Variants in PRKG1 observed in about 807,000 individuals in gnomAD.
The protein encoded by PRKG1 is protein kinase cGMP-dependent 1.
In PRKG1, 35 loss-of-function variants were observed where a neutral mutation model predicts 88.1. That is an observed-to-expected ratio of 0.40 (90% CI 0.30 to 0.53). The LOEUF (loss-of-function observed/expected upper bound fraction) is 0.53, where lower values mean the gene tolerates loss of function less well. Among genes scored for constraint, PRKG1 ranks in the 20% least tolerant of loss-of-function variants. PRKG1 has a pLI of 0.59. For synonymous variants in PRKG1, 303 were observed against 292.5 expected, an observed-to-expected ratio of 1.04 and a Z score of -0.37; for missense variants, 540 against 839.8, an observed-to-expected ratio of 0.64 and a Z score of 4.41.
At chr10:52,246,680 C>T (rs1459741534) in intron 9 of PRKG1, among the ~76,000 whole-genome samples, 1 of 151,910 alleles carries the variant, frequency 6.6e-6, no homozygotes, top group Non-Finnish European at 1.5e-5. Context: ...AGTTCAAGAC[C>T]AGCCTGACCA....
At chr10:51,944,668 T>G (rs12253087) in intron 5 of PRKG1, among the ~76,000 whole-genome samples, 2,340 of 152,076 alleles carry the variant, frequency 0.015, 81 homozygotes, top group African/African-American at 0.052. Flanking sequence ...TTGTTCTCAT[T>G]GGTTTCAAAG....
intron 2 of PRKG1, among the ~76,000 whole-genome samples, chr10:51,282,354 G>GTTAT (rs1564427853): frequency 6.6e-6 from 1 of 151,942 alleles, no homozygotes. Flanking sequence ...AAACATTTTG[G>GTTAT]TTATATATAT....
intron 3 of PRKG1, among the ~76,000 whole-genome samples, chr10:51,641,333 C>T (rs1839795470): frequency 6.6e-6 from 1 of 152,068 alleles, no homozygotes; most frequent in African/African-American, 2.4e-5. Flanking sequence ...TCCTATGGGC[C>T]ATTGAGGGGA....
intron 3 of PRKG1, among the ~76,000 whole-genome samples, chr10:51,643,259 T>C (rs895727797): frequency 5.3e-5 from 8 of 152,206 alleles, no homozygotes; most frequent in Admixed American, 3.9e-4. Context: ...CCTGTCAATG[T>C]TATTTCACTT....
intron 3 of PRKG1, among the ~76,000 whole-genome samples, chr10:51,619,138 C>G (rs1839143361): frequency 6.6e-6 from 1 of 151,864 alleles, no homozygotes; most frequent in Admixed American, 6.6e-5. Context: ...GTGATAAGAA[C>G]TCCAGAGGAA....
intron 1 of PRKG1, among the ~76,000 whole-genome samples, chr10:51,118,474 C>G (rs4935224): frequency 0.8 from 121,509 of 152,012 alleles, 49,081 homozygotes; most frequent in South Asian, 0.88. Flanking sequence ...TCTTAAGAAA[C>G]CATTAAAAAT....
intron 5 of PRKG1, among the ~76,000 whole-genome samples, chr10:52,008,345 T>C (rs117616393): frequency 6.6e-6 from 1 of 152,062 alleles, no homozygotes; most frequent in Non-Finnish European, 1.5e-5. Flanking sequence ...AGGTGTTGGT[T>C]TTTTGAAAAA....
intron 1 of PRKG1, among the ~76,000 whole-genome samples, chr10:51,092,035 C>A (rs10995590): frequency 0.075 from 11,360 of 152,150 alleles, 1,354 homozygotes; most frequent in African/African-American, 0.25. Flanking sequence ...TTGAAATAAC[C>A]TTCCAACTTG....
rs71904885 is a variant in PRKG1, at chr10:52,148,957, CTTTT to C, written c.1002-12909_1002-12906del. 6.7e-4 allele frequency among the ~76,000 whole-genome samples: 37 copies of C among 55,166 alleles called. 1 individual carries two copies. The highest frequency in any genetic ancestry group is 2.7e-3 in the African/African-American group (36 of 13,332). The allele number at this position is 55,166 out of a possible 152,430, so 36.2% of individuals were successfully genotyped here. On this transcript the variant is annotated intron_variant, in intron 8 of 17. Coordinates refer to ENST00000373980, the MANE Select transcript of PRKG1 (RefSeq NM_006258.4). ...TATTTGACCACAGAGGATAGTTTTGCTTTTTTTTTTTTTTTTTTTTTTTTTTAGG... is the reference window on the plus strand; with the variant it reads ...TATTTGACCACAGAGGATAGTTTTGCTTTTTTTTTTTTTTTTTTTTTTAGG...
At chr10:51,857,455 T>A (rs1840712223) in intron 4 of PRKG1, among the ~76,000 whole-genome samples, 1 of 152,124 alleles carries the variant, frequency 6.6e-6, no homozygotes, top group African/African-American at 2.4e-5. Context: ...CCTCTCAGAT[T>A]TCAGCAAACA....
At chr10:51,213,443 G>A (rs1487589663) in intron 2 of PRKG1, among the ~76,000 whole-genome samples, 3 of 152,118 alleles carry the variant, frequency 2.0e-5, no homozygotes, top group Non-Finnish European at 2.9e-5. Flanking sequence ...TTGTGCACAT[G>A]TACCCTAAAA....
upstream of PRKG1, among the ~76,000 whole-genome samples, chr10:51,073,404 T>G (rs1843864896): frequency 6.6e-6 from 1 of 152,086 alleles, no homozygotes; most frequent in Non-Finnish European, 1.5e-5. Context: ...AGCTTGGTTG[T>G]GAGGAAAGTA....
At chr10:51,839,212 A>C (rs1273701034) in intron 4 of PRKG1, among the ~76,000 whole-genome samples, 2 of 152,198 alleles carry the variant, frequency 1.3e-5, no homozygotes, top group Non-Finnish European at 2.9e-5. Context: ...AATAAAGATG[A>C]AATGTGCATG....
At chr10:51,052,615 T>G (rs1843577053) in intron 1 of PRKG1, among the ~76,000 whole-genome samples, 2 of 152,212 alleles carry the variant, frequency 1.3e-5, no homozygotes. Context: ...AAGCACAACT[T>G]TGTTTCGTGT....
At chr10:52,082,160 G>C (rs573410251) in intron 7 of PRKG1, among the ~76,000 whole-genome samples, 31 of 152,184 alleles carry the variant, frequency 2.0e-4, no homozygotes, top group African/African-American at 7.5e-4. Context: ...ATCACATCTT[G>C]TGACAAATGA....
rs1395048010 is a variant in PRKG1 at position 51,971,405 on chromosome 10, G to A, written c.762+63835G>A. ...CATTTTAATATAAAGATATTTCAAA[G>A]TATTCAAAATCATTAAAAAACATTT... On this transcript the variant is annotated intron_variant, in intron 5 of 17. Transcript: ENST00000373980. Among the ~76,000 whole-genome samples the A allele has an allele frequency of 2.6e-5, 4 of 151,908 alleles. No homozygotes were observed. The South Asian group carries it at 8.3e-4, about 32-fold the overall frequency.
At chr10:51,916,917 A>G (rs534635430) in intron 5 of PRKG1, among the ~76,000 whole-genome samples, 1 of 152,352 alleles carries the variant, frequency 6.6e-6, no homozygotes, top group South Asian at 2.1e-4. Context: ...TAAAAGTAAA[A>G]TGACACATAT....
intron 1 of PRKG1, among the ~76,000 whole-genome samples, chr10:51,085,217 T>G (rs1310630023): frequency 1.3e-5 from 2 of 152,226 alleles, no homozygotes; most frequent in African/African-American, 2.4e-5. Flanking sequence ...ACTTGTATCT[T>G]CCTAATACCT....
At chr10:51,689,154 T>C (rs1024530417) in intron 3 of PRKG1, among the ~76,000 whole-genome samples, 1 of 152,148 alleles carries the variant, frequency 6.6e-6, no homozygotes, top group Admixed American at 6.5e-5. Flanking sequence ...CCTTTGTAAG[T>C]TTCTGAGTCT....
Sources: gnomAD v4.1 joint callset for allele counts (sites outside exome capture counted in the v4.1 genomes callset) on GRCh38, gnomAD v4.1.1 for gene constraint, MANE v1.5 for transcripts, NCBI Gene and HGNC (gene_info 2026-07-23, HGNC 2026-07-21) for gene names.